NBEA: variants seen among roughly 807,000 people sequenced by gnomAD.
NBEA encodes the protein lysosomal-trafficking regulator 2.
In NBEA, 44 loss-of-function variants were observed where a neutral mutation model predicts 343.4. The observed-to-expected ratio is 0.13, with a 90% CI of 0.10 to 0.16. The LOEUF (loss-of-function observed/expected upper bound fraction) is 0.16, where lower values mean the gene tolerates loss of function less well. Among genes scored for constraint, NBEA ranks in the 10% least tolerant of loss-of-function variants. The pLI, the probability that NBEA is intolerant of heterozygous loss-of-function variation, is 1.00. For synonymous variants in NBEA, 1,175 were observed against 1,238.7 expected (o/e 0.95, Z 1.08); for missense variants, 2,555 against 3,631.3 (o/e 0.70, Z 7.62).
At chr13:35,027,391 T>C (rs969595677) in intron 1 of NBEA, among the ~76,000 whole-genome samples, 1 of 151,986 alleles carries the variant, frequency 6.6e-6, no homozygotes, top group Non-Finnish European at 1.5e-5. Context: ...CACTTTTTTT[T>C]TTTTGCATCC....
chr13:35,443,264 T>G (rs939086394), intron 39 of NBEA, among the ~76,000 whole-genome samples: 3 of 152,046 alleles, frequency 2.0e-5, no homozygotes, highest in African/African-American at 7.2e-5. Context: ...TTTGGTAAAA[T>G]TACGTAAGAT....
intron 10 of NBEA, among the ~76,000 whole-genome samples, chr13:35,077,751 G>A (rs2064183882): frequency 6.6e-6 from 1 of 152,054 alleles, no homozygotes; most frequent in African/African-American, 2.4e-5. Context: ...CTGGTTTCCT[G>A]TTGCCTCAGA....
At chr13:35,501,834 G>A (rs1594819412) in intron 41 of NBEA, among the ~76,000 whole-genome samples, 3 of 152,024 alleles carry the variant, frequency 2.0e-5, no homozygotes, top group East Asian at 3.9e-4. Flanking sequence ...CCAATATGAC[G>A]GGGGCGGGGA....
chr13:35,187,364 C>T (rs1193908548), intron 30 of NBEA, among the ~76,000 whole-genome samples: 4 of 151,748 alleles, frequency 2.6e-5, no homozygotes, highest in African/African-American at 9.7e-5. Flanking sequence ...CTTCATTGGA[C>T]TCTTAGTTTC....
rs1402300272 is a variant in NBEA, at chr13:35,196,186, T to C, written c.5250T>C (p.Leu1750=). 6.2e-7 allele frequency: 1 copy of C among 1,613,646 alleles called. No individual in the cohort carries two copies. ...ATGTGAAGGAAATACTGAAAAGTCT[T>C]GTGGCTGCTCCAGTTGAAATAGCAG... is the stretch of plus-strand genomic sequence containing the variant. The part of the protein sequence containing the change: ...GINVKEILKS[L]VAAPVEIAEC... Residue 1750 remains leucine, a synonymous_variant, in exon 31 of 59, where the codon CTT becomes CTC. Coordinates refer to ENST00000379939, the MANE Select transcript of NBEA (RefSeq NM_001385012.1).
At chr13:35,507,549 G>T (rs1483798323) in intron 41 of NBEA, among the ~76,000 whole-genome samples, 3 of 151,924 alleles carry the variant, frequency 2.0e-5, no homozygotes, top group Non-Finnish European at 4.4e-5. Flanking sequence ...CCAAAATATT[G>T]CTGTACCTAC....
chr13:35,318,084 C>T (rs764317887), intron 36 of NBEA, among the ~76,000 whole-genome samples: 12 of 151,734 alleles, frequency 7.9e-5, no homozygotes, highest in South Asian at 6.2e-4. Context: ...TATTTGAATA[C>T]GCTTTATTTC....
chr13:35,041,749 A>C (rs1456825567), intron 2 of NBEA, among the ~76,000 whole-genome samples: 1 of 151,994 alleles, frequency 6.6e-6, no homozygotes, highest in Non-Finnish European at 1.5e-5. Flanking sequence ...GGTGATTTCA[A>C]ACAATAACTT....
intron 38 of NBEA, among the ~76,000 whole-genome samples, chr13:35,414,032 G>C (rs1258366366): frequency 6.6e-6 from 1 of 152,056 alleles, no homozygotes; most frequent in Non-Finnish European, 1.5e-5. Context: ...GCTCCTGTCT[G>C]TTCAACTGGG....
chr13:35,645,089 A>T (rs2084160855), intron 49 of NBEA, among the ~76,000 whole-genome samples: 1 of 152,226 alleles, frequency 6.6e-6, no homozygotes. Flanking sequence ...AATACAGTGT[A>T]GGAGGACAGA....
intron 36 of NBEA, among the ~76,000 whole-genome samples, chr13:35,346,591 G>A (rs1566008528): frequency 6.6e-6 from 1 of 151,950 alleles, no homozygotes; most frequent in South Asian, 2.1e-4. Flanking sequence ...TTAATAATTT[G>A]TGTTGTGGTT....
intron 55 of NBEA, among the ~76,000 whole-genome samples, chr13:35,663,026 G>A (rs1468420041): frequency 2.0e-5 from 3 of 152,018 alleles, no homozygotes; most frequent in African/African-American, 7.2e-5. Context: ...CATATTGATG[G>A]GATATGTTAT....
At chr13:35,447,704 C>T (rs1005063872) in intron 39 of NBEA, among the ~76,000 whole-genome samples, 2 of 152,122 alleles carry the variant, frequency 1.3e-5, no homozygotes, top group Non-Finnish European at 2.9e-5. Flanking sequence ...CAGCTTTACA[C>T]ATAATATACA....
At chr13:35,131,950 G>A (rs530647415) in intron 17 of NBEA, among the ~76,000 whole-genome samples, 7 of 152,198 alleles carry the variant, frequency 4.6e-5, no homozygotes, top group South Asian at 2.1e-4. Flanking sequence ...AACATTAGAC[G>A]TTAGTTAGAA....
intron 40 of NBEA, among the ~76,000 whole-genome samples, chr13:35,455,744 A>G (rs149650997): frequency 2.1e-4 from 32 of 152,270 alleles, no homozygotes; most frequent in Admixed American, 1.3e-3. Context: ...ACAACAACCC[A>G]ATAAGGTAAA....
intron 6 of NBEA, among the ~76,000 whole-genome samples, chr13:35,052,507 C>T (rs898926773): frequency 2.6e-5 from 4 of 151,558 alleles, no homozygotes; most frequent in African/African-American, 9.7e-5. Flanking sequence ...CTTTTTATTC[C>T]TTATTACTGG....
intron 1 of NBEA, among the ~76,000 whole-genome samples, chr13:34,966,076 AAT>A (rs2059812331): frequency 6.6e-6 from 1 of 152,058 alleles, no homozygotes; most frequent in Non-Finnish European, 1.5e-5. Flanking sequence ...GGAAAAAGGA[AAT>A]ATGGTATTCT....
At chr13:35,173,191 A>T (rs750046643) in intron 26 of NBEA, among the ~76,000 whole-genome samples, 16 of 152,132 alleles carry the variant, frequency 1.1e-4, no homozygotes, top group Non-Finnish European at 2.1e-4. Flanking sequence ...GGAAGGATAC[A>T]TTGGGGGTTT....
At chr13:35,343,159 T>C (rs2039680602) in intron 36 of NBEA, among the ~76,000 whole-genome samples, 1 of 152,084 alleles carries the variant, frequency 6.6e-6, no homozygotes, top group South Asian at 2.1e-4. Context: ...AAGAACTAAG[T>C]TGTATGGGTA....
Sources: gnomAD v4.1 joint callset for allele counts (sites outside exome capture counted in the v4.1 genomes callset) on GRCh38, gnomAD v4.1.1 for gene constraint, MANE v1.5 for transcripts, NCBI Gene and HGNC (gene_info 2026-07-23, HGNC 2026-07-21) for gene names.